The following KCNK10 variants were observed in gnomAD, a reference collection of about 807,000 sequenced individuals.
The protein encoded by KCNK10 is potassium channel subfamily K member 10.
KCNK10 carries 25 observed loss-of-function variants against 47.7 expected under a neutral mutation model. The ratio of observed to expected loss-of-function variants is 0.52; its 90% confidence interval spans 0.38 to 0.73. The LOEUF (loss-of-function observed/expected upper bound fraction) is 0.73. KCNK10 is among the 30% of genes least tolerant of loss of function. The pLI is 0.00. For synonymous variants in KCNK10, 303 were observed against 285.6 expected (o/e 1.06, Z -0.61); for missense variants, 563 against 714.5 (o/e 0.79, Z 2.42).
chr14:88,316,459 C>T (rs187782239), intron 1 of KCNK10, among the ~76,000 whole-genome samples: 1 of 152,164 alleles, frequency 6.6e-6, no homozygotes, highest in African/African-American at 2.4e-5. Context: ...GCTGAGAGTA[C>T]CCCTAGGACC....
intron 1 of KCNK10, among the ~76,000 whole-genome samples, chr14:88,285,691 A>G (rs1043042733): frequency 2.0e-4 from 31 of 152,160 alleles, no homozygotes; most frequent in Admixed American, 7.9e-4. Flanking sequence ...TTAATAAATA[A>G]AAGAGATCCT....
At chr14:88,263,614 G>A in intron 1 of KCNK10, 63 bp from the exon 2 acceptor site, 1 of 1,409,836 alleles carries the variant, frequency 7.1e-7, no homozygotes, top group South Asian at 1.3e-5. Flanking sequence ...TACAAAACGT[G>A]TCAGAAACAA....
intron 3 of KCNK10, among the ~76,000 whole-genome samples, chr14:88,231,417 G>A (rs1886157393): frequency 6.6e-6 from 1 of 152,188 alleles, no homozygotes; most frequent in Non-Finnish European, 1.5e-5. Context: ...CTACCACCTG[G>A]TCCTGACCAG....
chr14:88,269,758 G>A (rs369850351), intron 1 of KCNK10, among the ~76,000 whole-genome samples: 16 of 152,140 alleles, frequency 1.1e-4, no homozygotes, highest in South Asian at 4.2e-4. Flanking sequence ...TTTTATCTTC[G>A]CCAAACCTTC....
At chr14:88,326,461 A>G (rs1378268760), upstream of KCNK10, 1 of 1,612,994 alleles carries the variant, frequency 6.2e-7, no homozygotes, top group Non-Finnish European at 8.5e-7. Context: ...AACATCCAAG[A>G]AAGATGCCGC....
chr14:88,278,890 C>T (rs1887585958), intron 1 of KCNK10, among the ~76,000 whole-genome samples: 1 of 152,186 alleles, frequency 6.6e-6, no homozygotes, highest in Admixed American at 6.5e-5. Context: ...GCAGGCATGT[C>T]TGAGAGTTGT....
At chr14:88,266,491 A>G (rs79171871) in intron 1 of KCNK10, among the ~76,000 whole-genome samples, 7,430 of 152,230 alleles carry the variant, frequency 0.049, 396 homozygotes, top group African/African-American at 0.12. Context: ...TAGCCTATCA[A>G]CTTCTTGGAG....
chr14:88,263,692 GTTAGGGA>G (rs1887180131), intron 1 of KCNK10, 141 bp from the exon 2 acceptor site: 2 of 756,134 alleles, frequency 2.6e-6, no homozygotes, highest in South Asian at 3.9e-5. Context: ...CAAGCCTGCA[GTTAGGGA>G]ATTTGATCAG....
At chr14:88,199,370 T>G (rs566632683) in intron 4 of KCNK10, among the ~76,000 whole-genome samples, 8 of 152,128 alleles carry the variant, frequency 5.3e-5, no homozygotes, top group Non-Finnish European at 1.0e-4. Context: ...GGAAGACATG[T>G]TGTAAAAGCA....
intron 1 of KCNK10, among the ~76,000 whole-genome samples, chr14:88,314,158 T>C (rs1221513193): frequency 1.3e-5 from 2 of 152,184 alleles, no homozygotes; most frequent in Admixed American, 1.3e-4. Flanking sequence ...AGAATTCATA[T>C]GTTGAAATCC....
intron 4 of KCNK10, among the ~76,000 whole-genome samples, chr14:88,222,139 AT>A (rs1404555988): frequency 6.6e-6 from 1 of 152,192 alleles, no homozygotes; most frequent in Non-Finnish European, 1.5e-5. Context: ...CAAGAGAAAA[AT>A]GAGGAAGAAG....
chr14:88,313,453 G>A (rs778616880), intron 1 of KCNK10, among the ~76,000 whole-genome samples: 10 of 152,220 alleles, frequency 6.6e-5, no homozygotes, highest in Non-Finnish European at 1.2e-4. Flanking sequence ...CATAAAAAGT[G>A]TTGCCAATTC....
chr14:88,261,721 C>T (rs1314244998), intron 2 of KCNK10, among the ~76,000 whole-genome samples: 1 of 151,778 alleles, frequency 6.6e-6, no homozygotes, highest in Non-Finnish European at 1.5e-5. Flanking sequence ...GATCACACCA[C>T]TGCACTCCAG....
At chr14:88,212,109 A>AACATATATATATATATATAT (rs1555360606) in intron 4 of KCNK10, among the ~76,000 whole-genome samples, 1 of 133,334 alleles carries the variant, frequency 7.5e-6, no homozygotes, top group East Asian at 2.6e-4. Flanking sequence ...TGATAGTGAG[A>AACATATATATATATATATAT]ATATATATAT....
rs557492616 is a variant in KCNK10 at position 88,245,410 on chromosome 14, T to A, written c.403-4590A>T. 1.3e-3 allele frequency among the ~76,000 whole-genome samples: 194 copies of A among 152,244 alleles called. 1 individual carries two copies. The highest frequency in any genetic ancestry group is 4.6e-3 in the African/African-American group (191 of 41,534). On this transcript the variant is annotated intron_variant, in intron 2 of 6. Transcript: ENST00000319231. ...CCTCTCACAAAGTGAGGCGGGTCTG[T>A]AGCTGATGCGCTTAGAAAGAGAGGA... is the stretch of plus-strand genomic sequence containing the variant.
intron 4 of KCNK10, among the ~76,000 whole-genome samples, chr14:88,218,584 A>G (rs1427406405): frequency 6.6e-6 from 1 of 151,528 alleles, no homozygotes; most frequent in Non-Finnish European, 1.5e-5. Context: ...AAAAAAAAAA[A>G]GGTGTCCCTT....
chr14:88,185,644 A>T lies in KCNK10; in HGVS notation c.1523T>A (p.Met508Lys). The T allele has an allele frequency of 6.2e-7, 1 of 1,614,216 alleles. No individual in the cohort carries two copies. Among genetic ancestry groups the T allele is most frequent in the Non-Finnish European group, 8.5e-7 (1 of 1,180,030 alleles). ...GTGCTGCTGGATACAGTCCGTCAGC[A>T]TGGCTGTGCTGGAGTTGTCTGAGTT... ...MCNSDNSSTA[M>K]LTDCIQQHAE... Residue 508 changes from methionine (M) to lysine (K), a missense_variant, in exon 7 of 7, where the codon ATG (methionine) becomes AAG (lysine). Physicochemically the swap from Met to Lys is moderately conservative, Grantham distance 95. Coordinates refer to ENST00000319231, the MANE Select transcript of KCNK10 (RefSeq NM_138317.3). This position sits in a 1 kb window ranked among gnomAD's most constrained non-coding sequence, Gnocchi z 4.3.
Position 88,322,676 on chromosome 14 carries a change from C to T in KCNK10, c.52+71G>A. On this transcript the variant is annotated intron_variant, in intron 1 of 6. Transcript: ENST00000319231. The surrounding 1 kb of genome is among the most constrained non-coding windows in gnomAD (Gnocchi z 4.8). ...CACGCTGCCAGAAGCAAGAGTGCTT[C>T]CACTCAAGGAAGCGCGCACACGCCG... The T allele has an allele frequency of 1.9e-6, 3 of 1,593,754 alleles. No individual in the cohort carries two copies. In the South Asian group the frequency reaches 3.3e-5, roughly 18 times the overall value.
At chr14:88,283,783 G>GCCCACCATGGTA (rs1887704092) in intron 1 of KCNK10, among the ~76,000 whole-genome samples, 1 of 151,970 alleles carries the variant, frequency 6.6e-6, no homozygotes, top group African/African-American at 2.4e-5. Context: ...GCATGGTGGT[G>GCCCACCATGGTA]GGCACCTGTA....
Sources: gnomAD v4.1 joint callset for allele counts (sites outside exome capture counted in the v4.1 genomes callset) on GRCh38, gnomAD v4.1.1 for gene constraint, Gnocchi (gnomAD v3.1) non-coding constraint, MANE v1.5 for transcripts, NCBI Gene and HGNC (gene_info 2026-07-23, HGNC 2026-07-21) for gene names.